Variants in TDRD7 observed in about 807,000 individuals in gnomAD.
The protein encoded by TDRD7 is tudor domain-containing protein 7.
Under a neutral mutation model 109.8 loss-of-function variants are expected in TDRD7, and 47 were observed. The observed-to-expected ratio is 0.43, with a 90% CI of 0.34 to 0.55. TDRD7 has a LOEUF of 0.55. Ranked by LOEUF, TDRD7 falls within the 20% of genes least tolerant of loss-of-function variation. The probability of loss-of-function intolerance (pLI) is 0.03; values close to 1 mark genes in which losing one functional copy is unlikely to be tolerated. For synonymous variants in TDRD7, 424 were observed against 457.3 expected, an observed-to-expected ratio of 0.93 and a Z score of 0.93; for missense variants, 1,164 against 1,319.2, an observed-to-expected ratio of 0.88 and a Z score of 1.82.
chr9:97,417,063 G>A (rs12001521), intron 1 of TDRD7, among the ~76,000 whole-genome samples: 10,968 of 152,160 alleles, frequency 0.072, 625 homozygotes, highest in African/African-American at 0.16. Context: ...AGTTGAGCAC[G>A]TACTTTAGCT....
chr9:97,474,618 CTG>C (rs1452974014), intron 11 of TDRD7, among the ~76,000 whole-genome samples: 4 of 152,162 alleles, frequency 2.6e-5, no homozygotes, highest in African/African-American at 9.7e-5. Context: ...TTATCTTGTT[CTG>C]TGTTACAGAG....
intron 1 of TDRD7, among the ~76,000 whole-genome samples, chr9:97,421,924 G>C (rs759240553): frequency 3.3e-5 from 5 of 152,004 alleles, no homozygotes; most frequent in African/African-American, 4.8e-5. Flanking sequence ...ATTTACTCCT[G>C]TGTATTTTTT....
rs759485484 is a variant in TDRD7, at chr9:97,495,915, A to C, written c.*32A>C. ...CCTCTGAAACCTTGACAACTAATTC[A>C]GATTTTTTAGCAATAACAAAATGTA... On this transcript the variant is annotated 3_prime_UTR_variant, in exon 17 of 17. Transcript: ENST00000355295. 6 of 1,580,126 alleles carry C rather than the reference A, an allele frequency of 3.8e-6. No individual in the cohort carries two copies. In the Admixed American group the frequency reaches 1.0e-4, roughly 26 times the overall value.
chr9:97,473,280 A>T (rs1356343780), intron 10 of TDRD7, among the ~76,000 whole-genome samples: 1 of 152,240 alleles, frequency 6.6e-6, no homozygotes, highest in African/African-American at 2.4e-5. Flanking sequence ...TGCTTGGCAT[A>T]AATGATATTA....
intron 3 of TDRD7, 44 bp from the exon 4 acceptor site, chr9:97,431,981 T>G (rs758629974): frequency 1.5e-5 from 23 of 1,553,308 alleles, no homozygotes; most frequent in Non-Finnish European, 2.0e-5. Flanking sequence ...AAAGTGGGGT[T>G]TGGGGATGCT....
At chr9:97,495,158 G>T (rs923759003) in intron 16 of TDRD7, among the ~76,000 whole-genome samples, 1 of 152,160 alleles carries the variant, frequency 6.6e-6, no homozygotes, top group African/African-American at 2.4e-5. Flanking sequence ...TAGAGGAAAA[G>T]CTGGGAATAG....
intron 16 of TDRD7, among the ~76,000 whole-genome samples, chr9:97,489,442 G>A (rs901407902): frequency 5.9e-5 from 9 of 152,110 alleles, no homozygotes; most frequent in African/African-American, 2.2e-4. Context: ...AGTCTGCTTT[G>A]CCTGAAATGA....
chr9:97,491,579 T>C (rs1205578687), intron 16 of TDRD7, among the ~76,000 whole-genome samples: 1 of 152,200 alleles, frequency 6.6e-6, no homozygotes, highest in African/African-American at 2.4e-5. Context: ...GTCCTATGAT[T>C]AGGTCTCAGT....
intron 16 of TDRD7, among the ~76,000 whole-genome samples, chr9:97,494,069 A>G (rs962317912): frequency 1.3e-5 from 2 of 152,234 alleles, no homozygotes; most frequent in Non-Finnish European, 1.5e-5. Flanking sequence ...TGGGATTAAG[A>G]GATTAAAGTA....
rs1465555986 is a variant in TDRD7, at chr9:97,439,129, G to A, written c.564-116G>A. 6.8e-6 allele frequency: 4 copies of A among 588,346 alleles called. No homozygotes were observed. In the Admixed American group the frequency reaches 1.5e-4, roughly 22 times the overall value. The allele number at this position is 588,346 out of a possible 1,614,324, so 36.4% of individuals were successfully genotyped here. ...TTTTCTGATTTTAAATTATTTTAAT[G>A]ACTTGTTTTGCTGTTAAATGCCACT... On this transcript the variant is annotated intron_variant, in intron 4 of 16. Coordinates refer to ENST00000355295, the MANE Select transcript of TDRD7 (RefSeq NM_014290.3).
chr9:97,425,694 AT>A (rs1587859310), intron 1 of TDRD7, among the ~76,000 whole-genome samples: 6 of 152,230 alleles, frequency 3.9e-5, no homozygotes, highest in Admixed American at 3.9e-4. Flanking sequence ...TATAGTATTA[AT>A]TAAATGTTGT....
intron 4 of TDRD7, among the ~76,000 whole-genome samples, chr9:97,433,552 C>T (rs530448218): frequency 2.6e-5 from 4 of 151,806 alleles, no homozygotes; most frequent in African/African-American, 9.7e-5. Flanking sequence ...TCTGCACCAC[C>T]GAGGAAACAG....
At chr9:97,416,649 T>C (rs561685404) in intron 1 of TDRD7, among the ~76,000 whole-genome samples, 1 of 152,342 alleles carries the variant, frequency 6.6e-6, no homozygotes, top group East Asian at 1.9e-4. Flanking sequence ...GGTGTTGCGA[T>C]TGGCTGTCTC....
At chr9:97,494,731 G>GA in intron 16 of TDRD7, among the ~76,000 whole-genome samples, 1 of 137,242 alleles carries the variant, frequency 7.3e-6, no homozygotes, top group African/African-American at 2.6e-5. Flanking sequence ...TTTTTCGAGA[G>GA]GGTCTCACTT....
At chr9:97,427,132 GCCTT>G (rs1389861675) in intron 1 of TDRD7, among the ~76,000 whole-genome samples, 1 of 152,104 alleles carries the variant, frequency 6.6e-6, no homozygotes, top group Non-Finnish European at 1.5e-5. Flanking sequence ...CCCATGGTTT[GCCTT>G]CCTCTTTCCT....
chr9:97,426,739 CAT>C, intron 1 of TDRD7, among the ~76,000 whole-genome samples: 1 of 152,308 alleles, frequency 6.6e-6, no homozygotes, highest in Admixed American at 6.5e-5. Flanking sequence ...TTAAGTGGCA[CAT>C]GACTATGTAG....
intron 1 of TDRD7, among the ~76,000 whole-genome samples, chr9:97,415,856 T>C (rs1426451612): frequency 6.6e-6 from 1 of 152,232 alleles, no homozygotes; most frequent in Admixed American, 6.5e-5. Context: ...CAAAGTATTC[T>C]TATATACCTT....
Position 97,473,596 on chromosome 9 carries a change from A to C in TDRD7, c.2049A>C (p.Leu683=), listed in dbSNP as rs747835688. The change falls in exon 11 of 17, where the codon CTA becomes CTC. Residue 683 remains leucine, a synonymous_variant. Transcript: ENST00000355295. ...CKGLNKLSDL[L]RKIEDYFHCK... is the part of the protein sequence containing the mutation. Reference sequence around the variant, plus strand: ...GTCTGAACAAGCTCAGTGACCTTCTACGTAAGATAGAGGACTACTTCCATT... The same window carrying C: ...GTCTGAACAAGCTCAGTGACCTTCTCCGTAAGATAGAGGACTACTTCCATT... 6.2e-7 allele frequency: 1 copy of C among 1,613,828 alleles called. No individual in the cohort carries two copies.
intron 16 of TDRD7, among the ~76,000 whole-genome samples, chr9:97,490,920 T>TC (rs1262138313): frequency 7.3e-6 from 1 of 137,404 alleles, no homozygotes; most frequent in Non-Finnish European, 1.6e-5. Context: ...TTTTTTTTTT[T>TC]TTTTTTTTTT....
Sources: allele counts gnomAD v4.1 joint callset (sites outside exome capture counted in the v4.1 genomes callset), GRCh38; gene constraint gnomAD v4.1.1; transcripts MANE v1.5; gene names NCBI Gene and HGNC (gene_info 2026-07-23, HGNC 2026-07-21).